TENM4: variants seen among roughly 807,000 people sequenced by gnomAD.
TENM4 encodes the protein teneurin-4.
A neutral mutation model predicts 243.3 loss-of-function variants in TENM4; 82 were observed. The observed-to-expected ratio is 0.34, with a 90% CI of 0.28 to 0.40. The LOEUF is 0.40. Ranked by LOEUF, TENM4 falls within the 10% of genes least tolerant of loss-of-function variation. TENM4 has a pLI of 1.00. For synonymous variants in TENM4, 1,412 were observed against 1,456.3 expected (o/e 0.97, Z 0.69); for missense variants, 3,138 against 3,673.3 (o/e 0.85, Z 3.77).
At chr11:78,964,685 A>T (rs548848532) in intron 6 of TENM4, among the ~76,000 whole-genome samples, 1 of 152,208 alleles carries the variant, frequency 6.6e-6, no homozygotes, top group South Asian at 2.1e-4. Flanking sequence ...TTCAGTTCTG[A>T]TATATCTGCT....
intron 31 of TENM4, among the ~76,000 whole-genome samples, chr11:78,670,920 G>A (rs2135675077): frequency 6.6e-6 from 1 of 152,302 alleles, no homozygotes; most frequent in East Asian, 1.9e-4. Context: ...GTGCGTGGTG[G>A]GGTGTGAGAA....
At position 78,670,453 on chromosome 11, in the gene TENM4, C is replaced by T. The variant is rs368479596; in HGVS notation, c.5892G>A (p.Gln1964=). 3.8e-5 allele frequency: 62 copies of T among 1,614,000 alleles called. No individual in the cohort carries two copies. The African/African-American group carries it at 8.0e-4, about 21-fold the overall frequency. ...CCACTGAGCGGATGGTCTCTAGTGT[C>T]TGCCGCGCCACGTTGGGCATCGTCA... ...SSVTMPNVAR[Q]TLETIRSVGY... is the part of the protein sequence containing the mutation. The change falls in exon 32 of 34, where the codon CAG becomes CAA. Residue 1964 remains glutamine, a synonymous_variant. Transcript: ENST00000278550.
chr11:78,810,867 G>C (rs1857484198), intron 14 of TENM4, among the ~76,000 whole-genome samples: 1 of 152,194 alleles, frequency 6.6e-6, no homozygotes, highest in Non-Finnish European at 1.5e-5. Context: ...ACTGGGGAAG[G>C]TGCCAGGGTG....
At chr11:78,915,211 C>A (rs1284899407) in intron 6 of TENM4, among the ~76,000 whole-genome samples, 1 of 152,206 alleles carries the variant, frequency 6.6e-6, no homozygotes, top group Admixed American at 6.5e-5. Context: ...GCTTTTCACA[C>A]CTTTGCCTGG....
chr11:78,936,300 G>A (rs950399256), intron 6 of TENM4, among the ~76,000 whole-genome samples: 1 of 152,162 alleles, frequency 6.6e-6, no homozygotes, highest in Non-Finnish European at 1.5e-5. Context: ...TTTATAAAAT[G>A]GGAGCAATAT....
At chr11:79,426,683 T>C (rs140884916) in intron 1 of TENM4, among the ~76,000 whole-genome samples, 3 of 152,164 alleles carry the variant, frequency 2.0e-5, no homozygotes, top group South Asian at 2.1e-4. Context: ...GAGTCAAAGA[T>C]GACTCCAAAA....
chr11:79,212,235 T>C (rs1374204763), intron 3 of TENM4, among the ~76,000 whole-genome samples: 2 of 152,182 alleles, frequency 1.3e-5, no homozygotes, highest in Non-Finnish European at 1.5e-5. Flanking sequence ...AAATGGACCA[T>C]GGATCTGAAA....
chr11:79,034,063 G>A (rs1361438823), intron 6 of TENM4, among the ~76,000 whole-genome samples: 1 of 152,196 alleles, frequency 6.6e-6, no homozygotes, highest in African/African-American at 2.4e-5. Flanking sequence ...TTCCTTATCT[G>A]TAAAATGGGA....
At position 78,657,425 on chromosome 11, in the gene TENM4, G is replaced by A; in HGVS notation, c.*633C>T. ...AAAGCTTGAACAGGAGTTTGGGGCAGCTTAAAAAAGGTGCTGAACAACACC... is the reference window on the plus strand; with the variant it reads ...AAAGCTTGAACAGGAGTTTGGGGCAACTTAAAAAAGGTGCTGAACAACACC... On this transcript the variant is annotated 3_prime_UTR_variant, in exon 34 of 34. Transcript: ENST00000278550. 4 of 379,896 alleles carry A rather than the reference G, an allele frequency of 1.1e-5. No homozygotes were observed. Among genetic ancestry groups the A allele is most frequent in the Non-Finnish European group, 1.9e-5 (4 of 214,802 alleles). The allele number at this position is 379,896 out of a possible 1,614,324, so 23.5% of individuals were successfully genotyped here.
chr11:79,036,158 T>A (rs1859372717), intron 6 of TENM4, among the ~76,000 whole-genome samples: 1 of 152,110 alleles, frequency 6.6e-6, no homozygotes, highest in Non-Finnish European at 1.5e-5. Flanking sequence ...GGGTCTGGAG[T>A]GGGGCTGAGA....
chr11:79,223,194 G>T (rs1864197919), intron 2 of TENM4, among the ~76,000 whole-genome samples: 1 of 152,128 alleles, frequency 6.6e-6, no homozygotes, highest in South Asian at 2.1e-4. Context: ...AAGATCGTGT[G>T]TTTAGAGGAT....
intron 6 of TENM4, among the ~76,000 whole-genome samples, chr11:79,038,483 C>T (rs2136889214): frequency 6.6e-6 from 1 of 152,340 alleles, no homozygotes; most frequent in African/African-American, 2.4e-5. Flanking sequence ...CCAATGCCTT[C>T]CTTGGCCACA....
rs559207468 is a variant in TENM4 at position 79,211,690 on chromosome 11, G to C, written c.-163+4118C>G. Among the ~76,000 whole-genome samples the C allele has an allele frequency of 5.3e-5, 8 of 152,010 alleles. No individual in the cohort carries two copies. The East Asian group carries it at 1.5e-3, about 29-fold the overall frequency. ...AATATGTTATTTATGTTAAAGTAAG[G>C]GTTTATTATTGTTAATTTAAATAAG... On this transcript the variant is annotated intron_variant, in intron 3 of 33. Transcript: ENST00000278550.
chr11:79,213,733 T>C (rs935003942), intron 3 of TENM4, among the ~76,000 whole-genome samples: 4 of 152,146 alleles, frequency 2.6e-5, no homozygotes, highest in Non-Finnish European at 5.9e-5. Context: ...CAGATTTAGA[T>C]GGGGTGGAGG....
chr11:79,210,085 T>C (rs754664930), intron 3 of TENM4, among the ~76,000 whole-genome samples: 1 of 152,204 alleles, frequency 6.6e-6, no homozygotes, highest in African/African-American at 2.4e-5. Flanking sequence ...CTTAGCCTCA[T>C]AAGGTTTGTC....
At chr11:78,798,294 C>T (rs181415936) in intron 15 of TENM4, among the ~76,000 whole-genome samples, 49 of 152,192 alleles carry the variant, frequency 3.2e-4, no homozygotes, top group Non-Finnish European at 6.5e-4. Flanking sequence ...ATTTTGCTGT[C>T]GATTGTGACC....
Position 79,019,970 on chromosome 11 carries a change from C to T in TENM4, c.493+44768G>A, listed in dbSNP as rs1005467201. ...CACCTGAGTACCTGGTATTCTGTTGCTATTACTTTTCTCAATATCCCACCA... is the reference window on the plus strand; with the variant it reads ...CACCTGAGTACCTGGTATTCTGTTGTTATTACTTTTCTCAATATCCCACCA... On this transcript the variant is annotated intron_variant, in intron 6 of 33. Coordinates refer to ENST00000278550, the MANE Select transcript of TENM4 (RefSeq NM_001098816.3). Among the ~76,000 whole-genome samples, 4 of 152,300 alleles carry T rather than the reference C, an allele frequency of 2.6e-5. No individual in the cohort carries two copies. The South Asian group carries it at 6.2e-4, about 24-fold the overall frequency.
intron 10 of TENM4, among the ~76,000 whole-genome samples, chr11:78,861,789 G>C (rs1056307219): frequency 3.3e-5 from 5 of 152,190 alleles, no homozygotes; most frequent in African/African-American, 1.2e-4. Flanking sequence ...AAAGTCAACT[G>C]AGAGAAAAGA....
intron 6 of TENM4, among the ~76,000 whole-genome samples, chr11:78,967,155 C>G (rs912629781): frequency 6.6e-6 from 1 of 152,186 alleles, no homozygotes; most frequent in Non-Finnish European, 1.5e-5. Flanking sequence ...GGCACCCCCT[C>G]TAGGTGCTCC....
Sources: gnomAD v4.1 joint callset for allele counts (sites outside exome capture counted in the v4.1 genomes callset) on GRCh38, gnomAD v4.1.1 for gene constraint, MANE v1.5 for transcripts, NCBI Gene and HGNC (gene_info 2026-07-23, HGNC 2026-07-21) for gene names.